CREBRF: variants seen among roughly 807,000 people sequenced by gnomAD.
CREBRF encodes UPF0474 protein C5orf41.
CREBRF carries 5 observed loss-of-function variants against 66.1 expected under a neutral mutation model. The observed-to-expected ratio is 0.08, with a 90% CI of 0.04 to 0.16. The LOEUF (loss-of-function observed/expected upper bound fraction) is 0.16, where lower values mean the gene tolerates loss of function less well. Among genes scored for constraint, CREBRF ranks in the 10% least tolerant of loss-of-function variants. CREBRF has a pLI of 1.00. For synonymous variants in CREBRF, 229 were observed against 264.4 expected, an observed-to-expected ratio of 0.87 and a Z score of 1.30; for missense variants, 531 against 744.9, an observed-to-expected ratio of 0.71 and a Z score of 3.34.
At chr5:173,108,904 C>A in intron 5 of CREBRF, 86 bp downstream of exon 5, 1 of 1,240,472 alleles carries the variant, frequency 8.1e-7, no homozygotes, top group Non-Finnish European at 1.1e-6. Flanking sequence ...TGTACCTAGG[C>A]ATTCAGCCCT....
chr5:173,112,493 C>T (rs1758894821), intron 7 of CREBRF, 114 bp downstream of exon 7: 2 of 666,944 alleles, frequency 3.0e-6, no homozygotes, highest in Non-Finnish European at 2.5e-6. Context: ...TTTGGCTAGC[C>T]TCCTATTTGT....
At position 173,137,284 on chromosome 5, in the gene CREBRF, G is replaced by C. The variant is rs181573903; in HGVS notation, c.*3539G>C. ...TTTGACCTTTTTGGTAAGAGAATCA[G>C]AACTATTACAAAAGCATCATGAAGG... On this transcript the variant is annotated 3_prime_UTR_variant, in exon 9 of 9. Transcript: ENST00000296953. 1.3e-5 allele frequency: 2 copies of C among 152,148 alleles called. No homozygotes were observed. The highest frequency in any genetic ancestry group is 2.4e-5 in the African/African-American group (1 of 41,536). 9.4% of individuals were successfully genotyped at this position (152,148 alleles called of 1,614,324 possible).
chr5:173,120,429 G>GC (rs1759112054), intron 7 of CREBRF, among the ~76,000 whole-genome samples: 1 of 151,020 alleles, frequency 6.6e-6, no homozygotes, highest in Non-Finnish European at 1.5e-5. Context: ...GCTCAGGCTG[G>GC]AGTGCAGTGG....
chr5:173,131,584 G>T (rs1170167502), intron 8 of CREBRF, among the ~76,000 whole-genome samples: 1 of 152,022 alleles, frequency 6.6e-6, no homozygotes, highest in Non-Finnish European at 1.5e-5. Context: ...TTTCTGGTAA[G>T]AATACATCAT....
intron 1 of CREBRF, among the ~76,000 whole-genome samples, chr5:173,062,747 C>CTT (rs35042056): frequency 0.095 from 11,321 of 118,668 alleles, 939 homozygotes; most frequent in African/African-American, 0.15. Flanking sequence ...TAAAATCATT[C>CTT]TTTTTTTTTT....
At chr5:173,118,333 G>A (rs1759058475) in intron 7 of CREBRF, among the ~76,000 whole-genome samples, 1 of 152,114 alleles carries the variant, frequency 6.6e-6, no homozygotes, top group African/African-American at 2.4e-5. Flanking sequence ...ATCTTTCAAA[G>A]ATCAAACATT....
At chr5:173,112,435 T>C (rs2113776185) in intron 7 of CREBRF, 56 bp downstream of exon 7, 1 of 1,210,278 alleles carries the variant, frequency 8.3e-7, no homozygotes, top group Non-Finnish European at 1.2e-6. Flanking sequence ...CTGACCACTC[T>C]CTCTTTTCTT....
intron 8 of CREBRF, among the ~76,000 whole-genome samples, chr5:173,132,864 A>G (rs1033814396): frequency 1.5e-4 from 22 of 150,996 alleles, no homozygotes; most frequent in African/African-American, 5.4e-4. Flanking sequence ...TGATCCGCCA[A>G]CCTCAGGTGA....
rs184543688 is a variant in CREBRF, at chr5:173,097,668, A to G, written c.1222+6267A>G. Among the ~76,000 whole-genome samples the G allele has an allele frequency of 4.0e-4, 61 of 152,084 alleles. 1 individual carries two copies. In the East Asian group the frequency reaches 7.3e-3, roughly 18 times the overall value. ...TTATCCATTTCTTCTAGGTTATTCAATTTGTTAGTGTATAATTGTTTATAG... is the reference window on the plus strand; with the variant it reads ...TTATCCATTTCTTCTAGGTTATTCAGTTTGTTAGTGTATAATTGTTTATAG... On this transcript the variant is annotated intron_variant, in intron 4 of 8. Coordinates refer to ENST00000296953, the MANE Select transcript of CREBRF (RefSeq NM_153607.3).
intron 2 of CREBRF, among the ~76,000 whole-genome samples, chr5:173,083,804 ATAAG>A (rs760886170): frequency 6.6e-6 from 1 of 152,378 alleles, no homozygotes; most frequent in Non-Finnish European, 1.5e-5. Context: ...TGGTGGCTAA[ATAAG>A]CTTTACTTTC....
At chr5:173,064,846 G>C (rs1757386887) in intron 1 of CREBRF, among the ~76,000 whole-genome samples, 1 of 152,094 alleles carries the variant, frequency 6.6e-6, no homozygotes, top group Non-Finnish European at 1.5e-5. Flanking sequence ...TTACAGGTGT[G>C]AGCCACTGCG....
chr5:173,090,650 C>T lies in CREBRF; in HGVS notation c.471C>T (p.Pro157=), dbSNP rs35768619. The change falls in exon 4 of 9, where the codon CCC becomes CCT. Residue 157 remains proline (P), a synonymous_variant. Coordinates refer to ENST00000296953, the MANE Select transcript of CREBRF (RefSeq NM_153607.3). The surrounding 1 kb of genome is among the most constrained non-coding windows in gnomAD (Gnocchi z 4.5). ...SQSVSDSLYY[P]DSLFSVKQNP... is the part of the protein sequence containing the mutation. ...CTGTTTCTGATTCCCTTTATTACCC[C>T]GATTCACTTTTCAGTGTCAAACAAA... The T allele has an allele frequency of 1.9e-3, 3,063 of 1,614,084 alleles. 59 individuals carry two copies. In the African/African-American group the frequency reaches 0.035, roughly 18 times the overall value.
At chr5:173,069,941 A>G (rs1294275410) in intron 1 of CREBRF, among the ~76,000 whole-genome samples, 1 of 150,934 alleles carries the variant, frequency 6.6e-6, no homozygotes, top group African/African-American at 2.4e-5. Flanking sequence ...TCTCTCTTGT[A>G]GTCTAGGCTG....
Position 173,085,661 on chromosome 5 carries a change from C to A in CREBRF, c.10-840C>A, listed in dbSNP as rs1758124339. The A allele has an allele frequency of 7.6e-6, 5 of 655,356 alleles. No individual in the cohort carries two copies. In the Admixed American group the frequency reaches 1.2e-4, roughly 15 times the overall value. The allele number at this position is 655,356 out of a possible 1,614,324, so 40.6% of individuals were successfully genotyped here. A position where few individuals can be genotyped will look rare whatever the true frequency, so the allele number is the denominator to read the frequency against. On this transcript the variant is annotated intron_variant, in intron 2 of 8. Coordinates refer to ENST00000296953, the MANE Select transcript of CREBRF (RefSeq NM_153607.3). The stretch of plus-strand genomic sequence containing the variant: ...TGAACTCCTGACCTCAGGTGACCTG[C>A]CCACCTGAGCCTCCCAAAGTGCTGG...
At chr5:173,079,100 A>G (rs1757855178) in intron 1 of CREBRF, among the ~76,000 whole-genome samples, 1 of 152,144 alleles carries the variant, frequency 6.6e-6, no homozygotes, top group Non-Finnish European at 1.5e-5. Flanking sequence ...GCACAAGAAC[A>G]GGCCTTTGGC....
Position 173,134,394 on chromosome 5 carries a change from A to G in CREBRF, c.*649A>G, listed in dbSNP as rs1304705894. 2.4e-5 allele frequency: 8 copies of G among 337,386 alleles called. No individual in the cohort carries two copies. The highest frequency in any genetic ancestry group is 3.8e-5 in the Admixed American group (1 of 26,664). 20.9% of individuals were successfully genotyped at this position (337,386 alleles called of 1,614,324 possible). A position where few individuals can be genotyped will look rare whatever the true frequency, so the allele number is the denominator to read the frequency against. ...AAACTGGTAATATTTTGTATGATGA[A>G]AACCCTAATGAGAAAAAACAAGATA... On this transcript the variant is annotated 3_prime_UTR_variant, in exon 9 of 9. Coordinates refer to ENST00000296953, the MANE Select transcript of CREBRF (RefSeq NM_153607.3).
chr5:173,129,596 G>A (rs1320079855), intron 8 of CREBRF, among the ~76,000 whole-genome samples: 3 of 151,368 alleles, frequency 2.0e-5, no homozygotes, highest in Admixed American at 6.6e-5. Flanking sequence ...ATGGTGATGC[G>A]AGCCTGTAAT....
intron 1 of CREBRF, among the ~76,000 whole-genome samples, chr5:173,070,709 A>G (rs1033700001): frequency 6.6e-6 from 1 of 152,118 alleles, no homozygotes; most frequent in Non-Finnish European, 1.5e-5. Context: ...AATTTTTCAT[A>G]TTTTTACTAT....
At chr5:173,057,039 G>T (rs1478854522) in intron 1 of CREBRF, among the ~76,000 whole-genome samples, 2 of 152,052 alleles carry the variant, frequency 1.3e-5, no homozygotes, top group Non-Finnish European at 2.9e-5. Flanking sequence ...AGGGCGTCTC[G>T]GGGGTAGCCG....
Sources: gnomAD v4.1 joint callset for allele counts (sites outside exome capture counted in the v4.1 genomes callset) on GRCh38, gnomAD v4.1.1 for gene constraint, Gnocchi (gnomAD v3.1) non-coding constraint, MANE v1.5 for transcripts, NCBI Gene and HGNC (gene_info 2026-07-23, HGNC 2026-07-21) for gene names.